Variants in ATP8B4 observed in about 807,000 individuals in gnomAD.
The protein encoded by ATP8B4 is ATPase phospholipid transporting 8B4 (putative).
Under a neutral mutation model 145.6 loss-of-function variants are expected in ATP8B4, and 133 were observed. The observed-to-expected ratio is 0.91, with a 90% CI of 0.79 to 1.05. The LOEUF (loss-of-function observed/expected upper bound fraction) is 1.05, where lower values mean the gene tolerates loss of function less well. Among genes scored for constraint, ATP8B4 ranks in the 50% least tolerant of loss-of-function variants. The probability of loss-of-function intolerance (pLI) is 0.00; values close to 1 mark genes in which losing one functional copy is unlikely to be tolerated. For synonymous variants in ATP8B4, 507 were observed against 492.9 expected (o/e 1.03, Z -0.38); for missense variants, 1,458 against 1,425.2 (o/e 1.02, Z -0.37).
At chr15:49,972,350 A>G (rs550459830) in intron 13 of ATP8B4, among the ~76,000 whole-genome samples, 1 of 152,298 alleles carries the variant, frequency 6.6e-6, no homozygotes, top group African/African-American at 2.4e-5. Flanking sequence ...CTATCCATGA[A>G]TGGCAATAAA....
chr15:50,162,134 G>A (rs1173723403), intron 1 of ATP8B4, among the ~76,000 whole-genome samples: 1 of 152,020 alleles, frequency 6.6e-6, no homozygotes, highest in African/African-American at 2.4e-5. Flanking sequence ...TCTGCTACCA[G>A]ATGTATTGGA....
At chr15:50,134,284 C>A in intron 1 of ATP8B4, among the ~76,000 whole-genome samples, 1 of 152,180 alleles carries the variant, frequency 6.6e-6, no homozygotes, top group East Asian at 1.9e-4. Flanking sequence ...GTAAAAATAA[C>A]TATGGCAAGT....
chr15:49,910,930 C>T (rs901331771), intron 20 of ATP8B4, among the ~76,000 whole-genome samples: 2 of 151,958 alleles, frequency 1.3e-5, no homozygotes, highest in Admixed American at 1.3e-4. Context: ...AGCAAAAGGA[C>T]AATATCTACT....
chr15:50,015,171 T>C (rs2048996011), intron 6 of ATP8B4, among the ~76,000 whole-genome samples: 1 of 152,210 alleles, frequency 6.6e-6, no homozygotes, highest in Non-Finnish European at 1.5e-5. Context: ...ATGTAGGATA[T>C]ATTATACATT....
At chr15:50,057,871 G>C (rs2052717786) in intron 3 of ATP8B4, among the ~76,000 whole-genome samples, 1 of 152,134 alleles carries the variant, frequency 6.6e-6, no homozygotes, top group African/African-American at 2.4e-5. Context: ...ATTTCCCTCT[G>C]AGATTAATTT....
intron 20 of ATP8B4, 50 bp downstream of exon 20, chr15:49,916,884 C>T: frequency 6.7e-7 from 1 of 1,493,390 alleles, no homozygotes; most frequent in South Asian, 1.2e-5. Flanking sequence ...ATCTTTTTTC[C>T]CTCCCTCCCT....
At position 49,901,152 on chromosome 15, in the gene ATP8B4, A is replaced by C; in HGVS notation, c.2229T>G (p.Asp743Glu). ...VCEKKQQLEL[D>E]SIVEETITGD... ...CTGTTATGGTTTCTTCTACAATAGA[A>C]TCCAACTCCAGCTGCTGCTTTTTTT... The change falls in exon 21 of 28, where the codon GAT becomes GAG. Residue 743 changes from aspartate (D) to glutamate (E), a missense_variant. Coordinates refer to ENST00000284509, the MANE Select transcript of ATP8B4 (RefSeq NM_024837.4). 1 of 1,613,698 alleles carries C rather than the reference A, an allele frequency of 6.2e-7. No individual in the cohort carries two copies. The highest frequency in any genetic ancestry group is 1.1e-5 in the South Asian group (1 of 91,066).
At chr15:50,042,305 A>C (rs891533774) in intron 5 of ATP8B4, among the ~76,000 whole-genome samples, 7 of 152,180 alleles carry the variant, frequency 4.6e-5, no homozygotes, top group Admixed American at 3.9e-4. Context: ...ATTTGTGTGT[A>C]TGTGTGCTCT....
At chr15:50,171,552 A>C (rs1232202480) in intron 1 of ATP8B4, among the ~76,000 whole-genome samples, 1 of 152,204 alleles carries the variant, frequency 6.6e-6, no homozygotes, top group East Asian at 1.9e-4. Flanking sequence ...GATTCAGCAA[A>C]GGCGGTGCTA....
chr15:50,083,483 A>G (rs1297634841), intron 2 of ATP8B4, among the ~76,000 whole-genome samples: 1 of 152,198 alleles, frequency 6.6e-6, no homozygotes, highest in African/African-American at 2.4e-5. Context: ...CCCAAAGATT[A>G]TAAGAGCCTA....
intron 6 of ATP8B4, among the ~76,000 whole-genome samples, chr15:50,031,789 G>T (rs1183739927): frequency 1.3e-5 from 2 of 151,824 alleles, no homozygotes; most frequent in Admixed American, 6.6e-5. Context: ...CTCTAACCTG[G>T]AAGTACAAGG....
At chr15:49,947,437 C>CAA (rs35281379) in intron 14 of ATP8B4, among the ~76,000 whole-genome samples, 7,035 of 88,626 alleles carry the variant, frequency 0.079, 488 homozygotes, top group East Asian at 0.39. Context: ...GACTCTGTCT[C>CAA]AAAAAAAAAA....
chr15:50,031,344 T>C (rs1022673090), intron 6 of ATP8B4, among the ~76,000 whole-genome samples: 1 of 152,176 alleles, frequency 6.6e-6, no homozygotes, highest in Non-Finnish European at 1.5e-5. Flanking sequence ...TCATAATGTA[T>C]ACGTAATCTG....
rs778001010 is a variant in ATP8B4, at chr15:49,879,403, A to G, written c.2754T>C (p.Pro918=). Residue 918 remains proline, a synonymous_variant, in exon 24 of 28, where the codon CCT becomes CCC. Coordinates refer to ENST00000284509, the MANE Select transcript of ATP8B4 (RefSeq NM_024837.4). The stretch of plus-strand genomic sequence containing the variant: ...GGTCAAAAATCCCCATGGCTAAAAC[A>G]GGCAGTGATGTGTAAACAATGTTAA... ...TLFNIVYTSL[P]VLAMGIFDQD... 5 of 1,613,124 alleles carry G rather than the reference A, an allele frequency of 3.1e-6. No homozygotes were observed. Among genetic ancestry groups the G allele is most frequent in the Middle Eastern group, 1.7e-4 (1 of 6,032 alleles).
intron 17 of ATP8B4, among the ~76,000 whole-genome samples, chr15:49,922,820 A>G (rs1430267066): frequency 6.6e-6 from 1 of 152,238 alleles, no homozygotes; most frequent in Admixed American, 6.5e-5. Flanking sequence ...GAAAGAAATT[A>G]TGCTGGTCTC....
At chr15:50,088,363 C>G (rs113214437) in intron 2 of ATP8B4, among the ~76,000 whole-genome samples, 1 of 148,520 alleles carries the variant, frequency 6.7e-6, no homozygotes, top group Non-Finnish European at 1.5e-5. Flanking sequence ...AAACAAAAAA[C>G]AAACAAACAA....
At chr15:49,990,871 G>C (rs922325606) in intron 9 of ATP8B4, among the ~76,000 whole-genome samples, 5 of 152,136 alleles carry the variant, frequency 3.3e-5, no homozygotes, top group African/African-American at 4.8e-5. Flanking sequence ...CTAGCCAAGA[G>C]TTTTTTTAGC....
intron 14 of ATP8B4, among the ~76,000 whole-genome samples, chr15:49,935,496 C>CT (rs2041658399): frequency 6.6e-6 from 1 of 152,158 alleles, no homozygotes; most frequent in Non-Finnish European, 1.5e-5. Context: ...CAAGTGTTTA[C>CT]AGTATACTAG....
rs975226939 is a variant in ATP8B4 at position 50,019,073 on chromosome 15, A to G, written c.363-8156T>C. Reference sequence around the variant, plus strand: ...AACAAAAACCAGGAAATTTTATAGTAAGACTCTGTCCCTGTCCTTTGAGGA... The same window carrying G: ...AACAAAAACCAGGAAATTTTATAGTGAGACTCTGTCCCTGTCCTTTGAGGA... On this transcript the variant is annotated intron_variant, in intron 6 of 27. Coordinates refer to ENST00000284509, the MANE Select transcript of ATP8B4 (RefSeq NM_024837.4). 5 of 582,368 alleles carry G rather than the reference A, an allele frequency of 8.6e-6. No individual in the cohort carries two copies. In the African/African-American group the frequency reaches 9.7e-5, roughly 11 times the overall value. The allele number at this position is 582,368 out of a possible 1,614,324, so 36.1% of individuals were successfully genotyped here.
Sources: gnomAD v4.1 joint callset for allele counts (sites outside exome capture counted in the v4.1 genomes callset) on GRCh38, gnomAD v4.1.1 for gene constraint, MANE v1.5 for transcripts, NCBI Gene and HGNC (gene_info 2026-07-23, HGNC 2026-07-21) for gene names.